The following ZNF75D variants were observed in gnomAD, a reference collection of about 807,000 sequenced individuals.
ZNF75D encodes zinc finger protein 75.
ZNF75D carries 33 observed loss-of-function variants against 33.3 expected under a neutral mutation model. The observed-to-expected ratio is 0.99, with a 90% CI of 0.75 to 1.32. ZNF75D has a LOEUF of 1.32. ZNF75D is among the 40% of genes most tolerant of loss of function. ZNF75D has a pLI of 0.00. For synonymous variants in ZNF75D, 113 were observed against 130.6 expected (o/e 0.87, Z 0.92); for missense variants, 338 against 367.5 (o/e 0.92, Z 0.66).
Position 135,287,796 on chromosome X carries a change from T to C in ZNF75D, c.874A>G (p.Thr292Ala). ...TGNDHPISVSTSEIQTSGCEV... is the reference protein window; with the variant it reads ...TGNDHPISVSASEIQTSGCEV... ...CATCCTGATGTTTGTATTTCTGATG[T>C]AGAAACAGATATAGGATGATCATTT... is the stretch of plus-strand genomic sequence containing the variant. The change falls in exon 7 of 7, where the codon ACA becomes GCA. Residue 292 changes from threonine (T) to alanine (A), a missense_variant. Thr to Ala is a moderately conservative substitution (Grantham distance 58). Transcript: ENST00000370766. The C allele has an allele frequency of 8.3e-7, 1 of 1,210,342 alleles. No homozygotes were observed.
At position 135,271,864 on chromosome X, in the gene ZNF75D, C is replaced by T. The variant is rs546240020; in HGVS notation, n.828-16087G>A. ...ACCAGTAAGTCCTATGGGAGGTACA[C>T]TTTTTACTCACATGGTGATGGCATG... On this transcript the variant is annotated intron_variant and non_coding_transcript_variant, in intron 1 of 3. Transcript: ENST00000494295. 6.7e-4 allele frequency among the ~76,000 whole-genome samples: 75 copies of T among 111,935 alleles called. 1 individual carries two copies. The South Asian group carries it at 0.027, about 41-fold the overall frequency.
At chrX:135,308,766 C>G (rs1304164597) in intron 1 of ZNF75D, among the ~76,000 whole-genome samples, 1 of 111,777 alleles carries the variant, frequency 8.9e-6, no homozygotes, top group Non-Finnish European at 1.9e-5. Context: ...GATGGAAACT[C>G]AGAAGGATGG....
Position 135,291,503 on chromosome X carries a change from A to G in ZNF75D, c.665T>C (p.Met222Thr). ...CTCAGGCAGGATGAGTTTAGATGCC[A>G]TCTTCCAGTGTTTGATTCTTTTCTG... ...SEQKRIKHWK[M>T]ASKLILPESL... Residue 222 changes from methionine to threonine, a missense_variant, in exon 5 of 7, where the codon ATG (methionine) becomes ACG (threonine). This residue lies in a region of ZNF75D where 254 missense variants were observed against 267.7 expected (regional missense o/e 0.95). Transcript: ENST00000370766. The G allele has an allele frequency of 8.2e-7, 1 of 1,212,147 alleles. No individual in the cohort carries two copies. The highest frequency in any genetic ancestry group is 1.7e-5 in the African/African-American group (1 of 57,945).
intron 1 of ZNF75D, among the ~76,000 whole-genome samples, chrX:135,267,122 A>C (rs1556416407): frequency 8.9e-6 from 1 of 111,810 alleles, no homozygotes; most frequent in East Asian, 2.8e-4. Context: ...ATCAGTACCA[A>C]GAGGGAAGTT....
At chrX:135,320,515 C>T (rs1161661444) in intron 1 of ZNF75D, among the ~76,000 whole-genome samples, 1 of 111,087 alleles carries the variant, frequency 9.0e-6, no homozygotes, top group Non-Finnish European at 1.9e-5. Flanking sequence ...GCTTATAGCC[C>T]TTATCTGGTT....
intron 2 of ZNF75D, among the ~76,000 whole-genome samples, chrX:135,252,339 G>A (rs1275077809): frequency 1.2e-5 from 1 of 84,905 alleles, no homozygotes; most frequent in African/African-American, 4.6e-5. Flanking sequence ...TCTCTTGGGA[G>A]GTCAAAATAG....
At chrX:135,309,295 T>C (rs958526840) in intron 1 of ZNF75D, among the ~76,000 whole-genome samples, 1 of 111,798 alleles carries the variant, frequency 8.9e-6, no homozygotes, top group African/African-American at 3.3e-5. Context: ...CACAGCCCCA[T>C]GTGTGAGACA....
chrX:135,329,527 C>G (rs1408667098), intron 1 of ZNF75D, among the ~76,000 whole-genome samples: 1 of 112,287 alleles, frequency 8.9e-6, no homozygotes, highest in Non-Finnish European at 1.9e-5. Context: ...ATCTGCCTGT[C>G]TCGGCCTCCC....
At chrX:135,323,774 T>C (rs2084526317) in intron 1 of ZNF75D, among the ~76,000 whole-genome samples, 1 of 111,663 alleles carries the variant, frequency 9.0e-6, no homozygotes, top group Non-Finnish European at 1.9e-5. Context: ...GAAATTTCCA[T>C]ATTAGGTTAG....
chrX:135,265,187 C>G (rs971907079), intron 1 of ZNF75D, among the ~76,000 whole-genome samples: 9 of 106,553 alleles, frequency 8.4e-5, no homozygotes, highest in Non-Finnish European at 1.5e-4. Flanking sequence ...CCATTACACT[C>G]TAGCCTGGGC....
At chrX:135,330,193 A>G (rs2084634413) in intron 1 of ZNF75D, among the ~76,000 whole-genome samples, 1 of 111,885 alleles carries the variant, frequency 8.9e-6, no homozygotes, top group Non-Finnish European at 1.9e-5. Flanking sequence ...TGGCATTTTA[A>G]ATCAGATCAT....
intron 1 of ZNF75D, among the ~76,000 whole-genome samples, chrX:135,258,095 G>C (rs1424195779): frequency 9.4e-6 from 1 of 106,488 alleles, no homozygotes; most frequent in Non-Finnish European, 2.0e-5. Flanking sequence ...ACTTTGCTGA[G>C]AATGATGGTT....
At chrX:135,310,151 A>C (rs2084342348) in intron 1 of ZNF75D, among the ~76,000 whole-genome samples, 1 of 112,157 alleles carries the variant, frequency 8.9e-6, no homozygotes, top group Non-Finnish European at 1.9e-5. Context: ...TGCAGATGTC[A>C]TGTCCACAGA....
rs782076390 is a variant in ZNF75D, at chrX:135,258,078, T to C, written n.828-2301A>G. ...ACATGCAGTGTTTGGTTTTCTGTCC[T>C]TGTGATACTTTGCTGAGAATGATGG... is the stretch of plus-strand genomic sequence containing the variant. On this transcript the variant is annotated intron_variant and non_coding_transcript_variant, in intron 1 of 3. Coordinates refer to the ZNF75D transcript ENST00000494295. 8.4e-5 allele frequency among the ~76,000 whole-genome samples: 9 copies of C among 107,781 alleles called. No homozygotes were observed. The South Asian group carries it at 3.6e-3, about 43-fold the overall frequency. 93.6% of individuals were successfully genotyped at this position (107,781 alleles called of 115,157 possible).
At chrX:135,319,155 T>A (rs1390575803) in intron 1 of ZNF75D, among the ~76,000 whole-genome samples, 1 of 112,131 alleles carries the variant, frequency 8.9e-6, no homozygotes, top group Non-Finnish European at 1.9e-5. Context: ...ACCCCAAAAC[T>A]CAGTGTTTTT....
chrX:135,324,354 T>G (rs1046985948), intron 1 of ZNF75D, among the ~76,000 whole-genome samples: 9 of 112,234 alleles, frequency 8.0e-5, no homozygotes, highest in Non-Finnish European at 1.5e-4. Context: ...TGGAAAACAT[T>G]TGAACTAGTA....
rs782520718 is a variant in ZNF75D at position 135,248,946 on chromosome X, G to C, written n.1652C>G. 470 of 315,629 alleles carry C rather than the reference G, an allele frequency of 1.5e-3. 17 individuals are homozygous for C. Among genetic ancestry groups the C allele is most frequent in the Non-Finnish European group, 2.4e-3 (385 of 163,795 alleles). 26.0% of individuals were successfully genotyped at this position (315,629 alleles called of 1,213,427 possible). On this transcript the variant is annotated non_coding_transcript_exon_variant, in exon 4 of 4. Coordinates refer to the ZNF75D transcript ENST00000494295. Reference sequence around the variant, plus strand: ...GAGAACACAGCTTCCACTTGTAATGGTTGCATCAGGGGAAGGATTTATTGA... The same window carrying C: ...GAGAACACAGCTTCCACTTGTAATGCTTGCATCAGGGGAAGGATTTATTGA...
intron 1 of ZNF75D, among the ~76,000 whole-genome samples, chrX:135,303,279 A>G (rs2084243606): frequency 2.7e-5 from 3 of 109,677 alleles, no homozygotes; most frequent in African/African-American, 1.0e-4. Flanking sequence ...CTCAGCACAG[A>G]CCCTTCATGG....
At chrX:135,305,011 C>T (rs2084266304) in intron 1 of ZNF75D, among the ~76,000 whole-genome samples, 1 of 112,283 alleles carries the variant, frequency 8.9e-6, no homozygotes, top group African/African-American at 3.2e-5. Context: ...TTTATATCAC[C>T]CCTGGGGGAA....
Sources: allele counts gnomAD v4.1 joint callset (sites outside exome capture counted in the v4.1 genomes callset), GRCh38; gene constraint gnomAD v4.1.1; regional missense constraint gnomAD v4.1.1; transcripts MANE v1.5; gene names NCBI Gene and HGNC (gene_info 2026-07-23, HGNC 2026-07-21).